TIMP2: variants seen among roughly 807,000 people sequenced by gnomAD.
TIMP2 encodes metalloproteinase inhibitor 2.
Under a neutral mutation model 24.3 loss-of-function variants are expected in TIMP2, and 5 were observed. That is an observed-to-expected ratio of 0.21 (90% CI 0.11 to 0.43). The LOEUF is 0.43. TIMP2 is among the 20% of genes least tolerant of loss of function. TIMP2 has a pLI of 1.00. For synonymous variants in TIMP2, 130 were observed against 123.2 expected (o/e 1.06, Z -0.37); for missense variants, 221 against 297.5 (o/e 0.74, Z 1.89).
intron 1 of TIMP2, among the ~76,000 whole-genome samples, chr17:78,879,438 G>C (rs530361704): frequency 2.6e-5 from 4 of 152,240 alleles, no homozygotes; most frequent in Non-Finnish European, 4.4e-5. Flanking sequence ...AATCTGGGAA[G>C]AAATGAAAAT....
At chr17:78,909,871 C>G (rs2070192593) in intron 1 of TIMP2, among the ~76,000 whole-genome samples, 1 of 152,094 alleles carries the variant, frequency 6.6e-6, no homozygotes, top group Admixed American at 6.6e-5. Context: ...CTAGCTGGAG[C>G]AAACAGGGAA....
chr17:78,890,825 G>A, intron 1 of TIMP2: 1 of 1,550,608 alleles, frequency 6.4e-7, no homozygotes, highest in Non-Finnish European at 8.7e-7. Flanking sequence ...CCTTTCCTGG[G>A]CTCTCGTGGA....
intron 1 of TIMP2, chr17:78,899,074 G>A (rs753505759): frequency 6.6e-6 from 1 of 151,858 alleles, no homozygotes; most frequent in African/African-American, 2.4e-5. Flanking sequence ...TTCCGGGTGT[G>A]AGCCCCCACG....
intron 1 of TIMP2, among the ~76,000 whole-genome samples, chr17:78,877,209 T>C (rs2069735074): frequency 1.3e-5 from 2 of 152,228 alleles, no homozygotes; most frequent in African/African-American, 2.4e-5. Context: ...GCACCAAAAA[T>C]GTTTATGCAA....
intron 2 of TIMP2, among the ~76,000 whole-genome samples, chr17:78,873,301 A>C (rs1162702850): frequency 8.2e-5 from 2 of 24,320 alleles, no homozygotes; most frequent in African/African-American, 2.2e-4. Flanking sequence ...TCCCTGCCAC[A>C]TATTTTTTTT....
At position 78,896,630 on chromosome 17, in the gene TIMP2, A is replaced by C. The variant is rs7216900; in HGVS notation, c.131-22711T>G. Among the ~76,000 whole-genome samples, 31,499 of 151,676 alleles carry C rather than the reference A, an allele frequency of 0.21. 7,757 individuals are homozygous for C. Among genetic ancestry groups the C allele is most frequent in the African/African-American group, 0.6 (24,751 of 41,292 alleles). ...TCCCCTGCTGCCCTCTGGTCCTGCC[A>C]CCCCGAGCTGACAAGCCTGCCTTCT... On this transcript the variant is annotated intron_variant, in intron 1 of 4. Coordinates refer to ENST00000262768, the MANE Select transcript of TIMP2 (RefSeq NM_003255.5). This position sits in a 1 kb window ranked among gnomAD's most constrained non-coding sequence, Gnocchi z 4.4.
intron 1 of TIMP2, among the ~76,000 whole-genome samples, chr17:78,884,924 A>G (rs2069812280): frequency 6.6e-6 from 1 of 152,170 alleles, no homozygotes; most frequent in Non-Finnish European, 1.5e-5. Flanking sequence ...GTGCGGAGAG[A>G]AGATGGACGC....
At chr17:78,883,876 G>T (rs1369279363) in intron 1 of TIMP2, among the ~76,000 whole-genome samples, 1 of 152,124 alleles carries the variant, frequency 6.6e-6, no homozygotes, top group East Asian at 1.9e-4. Flanking sequence ...CGGGGCCCAC[G>T]TCCCGCTGCC....
chr17:78,886,730 T>C (rs2069828626), intron 1 of TIMP2, among the ~76,000 whole-genome samples: 1 of 152,074 alleles, frequency 6.6e-6, no homozygotes, highest in Non-Finnish European at 1.5e-5. Context: ...ATTTTCTTCT[T>C]CTTTTTTTTT....
chr17:78,871,928 A>G (rs944337371), intron 2 of TIMP2, among the ~76,000 whole-genome samples: 2 of 151,630 alleles, frequency 1.3e-5, no homozygotes, highest in Non-Finnish European at 2.9e-5. Context: ...CAAAGAGGTC[A>G]TTTCTGAATC....
At chr17:78,901,392 C>T (rs1242939999) in intron 1 of TIMP2, 1 of 245,448 alleles carries the variant, frequency 4.1e-6, no homozygotes, top group Non-Finnish European at 8.1e-6. Flanking sequence ...GAACAAGGAG[C>T]AAATCTGAAC....
At chr17:78,902,957 G>A (rs2145786642) in intron 1 of TIMP2, among the ~76,000 whole-genome samples, 1 of 152,356 alleles carries the variant, frequency 6.6e-6, no homozygotes, top group South Asian at 2.1e-4. Context: ...CCGTGGTGCA[G>A]GGACTTTGCC....
chr17:78,853,178 A>G lies in TIMP2; in HGVS notation c.*2489T>C, dbSNP rs2069497970. ...AAATCCAAACGGAAACAAAATCAACAGAGCTTTAAATTACGGCAGCAAGTC... is the reference window on the plus strand; with the variant it reads ...AAATCCAAACGGAAACAAAATCAACGGAGCTTTAAATTACGGCAGCAAGTC... On this transcript the variant is annotated 3_prime_UTR_variant, in exon 5 of 5. Transcript: ENST00000262768. 1 of 152,620 alleles carries G rather than the reference A, an allele frequency of 6.6e-6. No individual in the cohort carries two copies. Among genetic ancestry groups the G allele is most frequent in the Non-Finnish European group, 1.5e-5 (1 of 68,038 alleles). The allele number at this position is 152,620 out of a possible 1,614,324, so 9.5% of individuals were successfully genotyped here.
At position 78,854,921 on chromosome 17, in the gene TIMP2, C is replaced by CGGGGGGGGGGGTGGGGGGGGG. The variant is rs2069511586; in HGVS notation, c.*745_*746insCCCCCCCCCACCCCCCCCCCC. On this transcript the variant is annotated 3_prime_UTR_variant, in exon 5 of 5. Transcript: ENST00000262768. Reference sequence around the variant, plus strand: ...TCCTGCAAGCTGGGGAGCATGTGGGCGGGGGGGGGGGGGTGGGGGGGTGGG... The same window carrying CGGGGGGGGGGGTGGGGGGGGG: ...TCCTGCAAGCTGGGGAGCATGTGGGCGGGGGGGGGGGTGGGGGGGGGGGGGGGGGGGGGGTGGGGGGGTGGG... The CGGGGGGGGGGGTGGGGGGGGG allele has an allele frequency of 2.6e-5, 1 of 39,090 alleles. No homozygotes were observed. Among genetic ancestry groups the CGGGGGGGGGGGTGGGGGGGGG allele is most frequent in the Non-Finnish European group, 5.2e-5 (1 of 19,168 alleles). 2.4% of individuals were successfully genotyped at this position (39,090 alleles called of 1,614,324 possible). A position where few individuals can be genotyped will look rare whatever the true frequency, so the allele number is the denominator to read the frequency against.
intron 3 of TIMP2, among the ~76,000 whole-genome samples, chr17:78,868,331 A>G (rs1291013557): frequency 6.6e-6 from 1 of 151,916 alleles, no homozygotes; most frequent in African/African-American, 2.4e-5. Context: ...GCTTGCTGCA[A>G]TCTCTGCCTC....
intron 1 of TIMP2, among the ~76,000 whole-genome samples, chr17:78,894,782 A>G (rs2376999): frequency 0.27 from 41,457 of 152,004 alleles, 9,578 homozygotes; most frequent in African/African-American, 0.64. Flanking sequence ...ACCAATAAAC[A>G]AAGAAACGGA....
intron 3 of TIMP2, among the ~76,000 whole-genome samples, chr17:78,858,543 G>A (rs2069543563): frequency 6.6e-6 from 1 of 152,020 alleles, no homozygotes; most frequent in Non-Finnish European, 1.5e-5. Flanking sequence ...TTGATTTTGA[G>A]ACAGTCTTGC....
At position 78,924,746 on chromosome 17, in the gene TIMP2, C is replaced by T. The variant is rs2070335710; in HGVS notation, c.130+213G>A. Among the ~76,000 whole-genome samples, 1 of 151,992 alleles carries T rather than the reference C, an allele frequency of 6.6e-6. No homozygotes were observed. The highest frequency in any genetic ancestry group is 1.5e-5 in the Non-Finnish European group (1 of 67,984). Reference sequence around the variant, plus strand: ...GTGGAATTTTGAGGTTGAGACGCATCTCGGCAAAGAGAGGGAAAGAAAGGG... The same window carrying T: ...GTGGAATTTTGAGGTTGAGACGCATTTCGGCAAAGAGAGGGAAAGAAAGGG... On this transcript the variant is annotated intron_variant, in intron 1 of 4. Transcript: ENST00000262768. This position sits in a 1 kb window ranked among gnomAD's most constrained non-coding sequence, Gnocchi z 5.3.
chr17:78,918,246 C>G (rs930762569), intron 1 of TIMP2, among the ~76,000 whole-genome samples: 5 of 152,188 alleles, frequency 3.3e-5, no homozygotes, highest in Non-Finnish European at 7.3e-5. Flanking sequence ...CACTCTCAAC[C>G]TGACTTGCTG....
Sources: gnomAD v4.1 joint callset for allele counts (sites outside exome capture counted in the v4.1 genomes callset) on GRCh38, gnomAD v4.1.1 for gene constraint, Gnocchi (gnomAD v3.1) non-coding constraint, MANE v1.5 for transcripts, NCBI Gene and HGNC (gene_info 2026-07-23, HGNC 2026-07-21) for gene names.